PCDHA4: variants seen among roughly 807,000 people sequenced by gnomAD.
The protein encoded by PCDHA4 is protocadherin alpha-4.
PCDHA4 carries 49 observed loss-of-function variants against 61.4 expected under a neutral mutation model. The observed-to-expected ratio is 0.80, with a 90% CI of 0.63 to 1.01. The LOEUF is 1.01. Ranked by LOEUF, PCDHA4 falls within the 50% of genes least tolerant of loss-of-function variation. The pLI, the probability that PCDHA4 is intolerant of heterozygous loss-of-function variation, is 0.00. For missense variants in PCDHA4, 1,254 were observed against 1,235.8 expected (o/e 1.01, Z -0.22); for synonymous variants, 590 against 550.3 (o/e 1.07, Z -1.01).
intron 1 of PCDHA4, chr5:140,834,165 C>T: frequency 1.8e-6 from 1 of 543,158 alleles, no homozygotes; most frequent in Non-Finnish European, 3.2e-6. Flanking sequence ...GTAATTCTTA[C>T]TTACATGATG....
At chr5:140,928,350 T>A in intron 1 of PCDHA4, 1 of 1,614,098 alleles carries the variant, frequency 6.2e-7, no homozygotes, top group Non-Finnish European at 8.5e-7. Context: ...AGCTGTTGGA[T>A]GTTATCTCTG....
At chr5:140,855,023 G>T (rs115040572) in intron 1 of PCDHA4, among the ~76,000 whole-genome samples, 1 of 149,492 alleles carries the variant, frequency 6.7e-6, no homozygotes, top group African/African-American at 2.4e-5. Context: ...GAAACTTCTT[G>T]TATAAAGGAT....
intron 1 of PCDHA4, chr5:140,968,973 C>T (rs1404110882): frequency 4.3e-6 from 7 of 1,614,076 alleles, no homozygotes; most frequent in African/African-American, 2.7e-5. Flanking sequence ...CGCTACACTG[C>T]GTATGGCACT....
chr5:140,956,733 C>A (rs1412191742), intron 1 of PCDHA4, among the ~76,000 whole-genome samples: 1 of 152,172 alleles, frequency 6.6e-6, no homozygotes, highest in Non-Finnish European at 1.5e-5. Flanking sequence ...ACCAGCTCCT[C>A]TTTGTACCTC....
At chr5:140,907,534 T>G (rs2073435289) in intron 1 of PCDHA4, among the ~76,000 whole-genome samples, 1 of 152,204 alleles carries the variant, frequency 6.6e-6, no homozygotes, top group African/African-American at 2.4e-5. Flanking sequence ...CGCTGCCCTT[T>G]CTATGATGGA....
At chr5:140,858,280 G>A (rs782403060) in intron 1 of PCDHA4, 11 of 1,597,460 alleles carry the variant, frequency 6.9e-6, no homozygotes, top group Non-Finnish European at 5.1e-6. Flanking sequence ...GCGCGGTGGG[G>A]AGCTGGTCTT....
chr5:140,878,378 G>T (rs1449332570), intron 1 of PCDHA4, among the ~76,000 whole-genome samples: 3 of 152,178 alleles, frequency 2.0e-5, no homozygotes, highest in African/African-American at 7.2e-5. Flanking sequence ...TATGATGAAT[G>T]ATTTTCTTCA....
At chr5:140,999,240 G>A (rs193018375) in intron 3 of PCDHA4, among the ~76,000 whole-genome samples, 1 of 152,340 alleles carries the variant, frequency 6.6e-6, no homozygotes, top group Non-Finnish European at 1.5e-5. Context: ...GGTGGTTAAA[G>A]TGGGAGTTGG....
chr5:140,997,668 T>TTGTGTGTG lies in PCDHA4; in HGVS notation c.2534-11937_2534-11930dup, dbSNP rs35184029. 2.7e-3 allele frequency among the ~76,000 whole-genome samples: 400 copies of TTGTGTGTG among 148,342 alleles called. 5 individuals carry two copies. The East Asian group carries it at 0.038, about 14-fold the overall frequency. The stretch of plus-strand genomic sequence containing the variant: ...AATGCAATATGTATTATTATACAGC[T>TTGTGTGTG]TGTGTGTGTGTGTGTGTGTGTGTGT... On this transcript the variant is annotated intron_variant, in intron 3 of 3. Transcript: ENST00000530339.
At chr5:140,883,547 G>C in intron 1 of PCDHA4, 1 of 1,614,234 alleles carries the variant, frequency 6.2e-7, no homozygotes, top group Non-Finnish European at 8.5e-7. Flanking sequence ...GGTGGTGACC[G>C]CGCGGGACGG....
chr5:140,865,207 G>T (rs2048773206), intron 1 of PCDHA4: 1 of 152,092 alleles, frequency 6.6e-6, no homozygotes. Context: ...AATGTGAATT[G>T]CTTTCTTTAA....
chr5:140,818,407 T>C (rs1766349391), intron 1 of PCDHA4, among the ~76,000 whole-genome samples: 1 of 152,252 alleles, frequency 6.6e-6, no homozygotes, highest in African/African-American at 2.4e-5. Context: ...AATTTTATTT[T>C]CCTTTTTAAA....
Position 140,871,114 on chromosome 5 carries a change from A to G in PCDHA4, c.2385+61542A>G, listed in dbSNP as rs1554165136. The G allele has an allele frequency of 1.9e-6, 3 of 1,613,090 alleles. No individual in the cohort carries two copies. The African/African-American group carries it at 4.0e-5, about 22-fold the overall frequency. On this transcript the variant is annotated intron_variant, in intron 1 of 3. Transcript: ENST00000530339. ...CACCGTGCTGGTGTCGTTGGTGGAGAGCGGACAGGCGCCAAAGGCCTCTTC... is the reference window on the plus strand; with the variant it reads ...CACCGTGCTGGTGTCGTTGGTGGAGGGCGGACAGGCGCCAAAGGCCTCTTC...
intron 1 of PCDHA4, chr5:140,861,595 T>G (rs1195852387): frequency 1.9e-5 from 7 of 367,584 alleles, no homozygotes; most frequent in Admixed American, 8.8e-5. Context: ...GAGGTGAAAG[T>G]GAAGAACAAT....
chr5:140,862,472 T>C (rs577275887), intron 1 of PCDHA4: 357 of 374,932 alleles, frequency 9.5e-4, no homozygotes, highest in Non-Finnish European at 1.4e-3. Context: ...AGAGCAAATC[T>C]ATCCATTGTT....
At chr5:140,880,349 TGAATTTA>T in intron 1 of PCDHA4, among the ~76,000 whole-genome samples, 1 of 152,224 alleles carries the variant, frequency 6.6e-6, no homozygotes, top group East Asian at 1.9e-4. Flanking sequence ...AGGCAGCAGG[TGAATTTA>T]GATGAAAACC....
intron 1 of PCDHA4, among the ~76,000 whole-genome samples, chr5:140,955,342 C>T (rs981239160): frequency 1.3e-5 from 2 of 152,130 alleles, no homozygotes; most frequent in Admixed American, 6.6e-5. Context: ...ATAATCCCCA[C>T]ATGTTGTGAG....
chr5:140,824,265 A>T lies in PCDHA4; in HGVS notation c.2385+14693A>T, dbSNP rs2150133778. The T allele has an allele frequency of 3.7e-5, 46 of 1,252,254 alleles. No individual in the cohort carries two copies. In the Admixed American group the frequency reaches 7.8e-4, roughly 21 times the overall value. The allele number at this position is 1,252,254 out of a possible 1,614,324, so 77.6% of individuals were successfully genotyped here. On this transcript the variant is annotated intron_variant, in intron 1 of 3. Transcript: ENST00000530339. ...TGGTACACAATTATTGCACTAATTC[A>T]TGTATTATATGCTTTTTATGAGGCT... is the stretch of plus-strand genomic sequence containing the variant.
chr5:140,962,852 T>G (rs2095713840), intron 1 of PCDHA4, among the ~76,000 whole-genome samples: 2 of 152,216 alleles, frequency 1.3e-5, no homozygotes, highest in Admixed American at 1.3e-4. Context: ...TAACTTGTGC[T>G]CGGTTTGTAG....
Sources: gnomAD v4.1 joint callset for allele counts (sites outside exome capture counted in the v4.1 genomes callset) on GRCh38, gnomAD v4.1.1 for gene constraint, MANE v1.5 for transcripts, NCBI Gene and HGNC (gene_info 2026-07-23, HGNC 2026-07-21) for gene names.